ADAM2: variants seen among roughly 807,000 people sequenced by gnomAD.
ADAM2 encodes the protein disintegrin and metalloproteinase domain-containing protein 2.
A neutral mutation model predicts 99.3 loss-of-function variants in ADAM2; 101 were observed. The observed-to-expected ratio is 1.02, with a 90% CI of 0.87 to 1.20. ADAM2 has a LOEUF of 1.20. ADAM2 is among the 50% of genes most tolerant of loss of function. The pLI is 0.00. For synonymous variants in ADAM2, 323 were observed against 287.6 expected (o/e 1.12, Z -1.25); for missense variants, 948 against 878.7 (o/e 1.08, Z -1.00).
chr8:39,772,695 A>G (rs1802830943), intron 11 of ADAM2, among the ~76,000 whole-genome samples: 1 of 151,998 alleles, frequency 6.6e-6, no homozygotes, highest in African/African-American at 2.4e-5. Flanking sequence ...CCACATTTCA[A>G]CCATTCATTT....
intron 2 of ADAM2, among the ~76,000 whole-genome samples, chr8:39,835,472 C>A (rs914272106): frequency 2.6e-5 from 4 of 152,120 alleles, no homozygotes; most frequent in Non-Finnish European, 5.9e-5. Flanking sequence ...ATCAGGAGGT[C>A]AGGAGATCGA....
chr8:39,820,494 T>C (rs1218528470), intron 6 of ADAM2, among the ~76,000 whole-genome samples: 2 of 152,118 alleles, frequency 1.3e-5, no homozygotes, highest in Non-Finnish European at 2.9e-5. Flanking sequence ...GCTGGGGCTA[T>C]AAAACTCCTA....
rs1243294906 is a variant in ADAM2, at chr8:39,798,241, A to G, written c.571-9501T>C. On this transcript the variant is annotated intron_variant, in intron 7 of 20. Transcript: ENST00000265708. ...AATACCTAGTTTATTGAGGGTTTTT[A>G]ACATGAAGGGATGTTGAATTTTATC... Among the ~76,000 whole-genome samples the G allele has an allele frequency of 4.6e-5, 7 of 152,232 alleles. No homozygotes were observed. In the South Asian group the frequency reaches 8.3e-4, roughly 18 times the overall value.
In ADAM2 at chr8:39,787,098, A is replaced by G; in HGVS notation, c.810-43T>C. 2.4e-6 allele frequency: 3 copies of G among 1,234,652 alleles called. No individual in the cohort carries two copies. The South Asian group carries it at 4.6e-5, about 19-fold the overall frequency. 76.5% of individuals were successfully genotyped at this position (1,234,652 alleles called of 1,614,324 possible). A position where few individuals can be genotyped will look rare whatever the true frequency, so the allele number is the denominator to read the frequency against. On this transcript the variant is annotated intron_variant, in intron 9 of 20. Transcript: ENST00000265708. Reference sequence around the variant, plus strand: ...ATCATAATCATATAATTTTGTAAAAATTAATATGAATTTTTATAAGACAAA... The same window carrying G: ...ATCATAATCATATAATTTTGTAAAAGTTAATATGAATTTTTATAAGACAAA...
intron 6 of ADAM2, chr8:39,817,764 G>A (rs751554771): frequency 6.6e-6 from 1 of 151,646 alleles, no homozygotes; most frequent in Non-Finnish European, 1.5e-5. Context: ...AATAAAATCA[G>A]AAATGAAAAA....
chr8:39,833,801 G>A, intron 3 of ADAM2, 143 bp downstream of exon 3: 2 of 632,262 alleles, frequency 3.2e-6, no homozygotes, highest in South Asian at 1.9e-5. Context: ...ATCATATATA[G>A]GCTTAAATCA....
chr8:39,763,912 C>T (rs563789348), intron 14 of ADAM2, among the ~76,000 whole-genome samples: 2 of 152,266 alleles, frequency 1.3e-5, no homozygotes, highest in African/African-American at 4.8e-5. Flanking sequence ...AAAGGAATTC[C>T]TGGAGAGTTA....
At chr8:39,751,509 GTTTGT>G (rs1372177609) in intron 16 of ADAM2, among the ~76,000 whole-genome samples, 2 of 150,002 alleles carry the variant, frequency 1.3e-5, no homozygotes, top group Non-Finnish European at 3.0e-5. Flanking sequence ...TTGTTTGTTT[GTTTGT>G]TTTTGCTTTA....
intron 3 of ADAM2, among the ~76,000 whole-genome samples, chr8:39,833,140 T>C (rs964514843): frequency 3.9e-5 from 6 of 152,056 alleles, no homozygotes; most frequent in Non-Finnish European, 8.8e-5. Flanking sequence ...TCTATGTCAG[T>C]TTGCTCTATG....
Position 39,749,398 on chromosome 8 carries a change from T to C in ADAM2, c.1928A>G (p.Asp643Gly). ...CCATAGATCTGATTGAACTGAGCAA[T>C]CTGGAGGTAAATATGAAGCACTACA... ...CHCSASYLPP[D>G]CSVQSDLWPG... The change falls in exon 18 of 21, where the codon GAT becomes GGT. Residue 643 changes from aspartate (D) to glycine (G), a missense_variant. Coordinates refer to ENST00000265708, the MANE Select transcript of ADAM2 (RefSeq NM_001464.5). 6.2e-7 allele frequency: 1 copy of C among 1,613,466 alleles called. No homozygotes were observed. The highest frequency in any genetic ancestry group is 1.7e-4 in the Middle Eastern group (1 of 6,060).
At position 39,788,077 on chromosome 8, in the gene ADAM2, AT is replaced by A; in HGVS notation, c.809+7del. 6.8e-7 allele frequency: 1 copy of A among 1,476,726 alleles called. No individual in the cohort carries two copies. The highest frequency in any genetic ancestry group is 1.5e-5 in the South Asian group (1 of 67,546). 91.5% of individuals were successfully genotyped at this position (1,476,726 alleles called of 1,614,324 possible). The stretch of plus-strand genomic sequence containing the variant: ...GATAAACTTTATATAATGTCAAGAT[AT>A]CCTTACACAAGTAAAAATGCCACAT... On this transcript the variant is annotated splice_region_variant and intron_variant, in intron 9 of 20. Transcript: ENST00000265708.
chr8:39,744,408 A>G (rs957953117), intron 20 of ADAM2, among the ~76,000 whole-genome samples: 1 of 151,968 alleles, frequency 6.6e-6, no homozygotes, highest in East Asian at 1.9e-4. Context: ...TTTATTTAAT[A>G]TATTACGTTC....
In ADAM2 at chr8:39,778,712, GAGAAGGAAA is replaced by G. The variant is rs576427032; in HGVS notation, c.892-1560_892-1552del. 1.4e-4 allele frequency among the ~76,000 whole-genome samples: 22 copies of G among 152,170 alleles called. No individual in the cohort carries two copies. The South Asian group carries it at 4.4e-3, about 30-fold the overall frequency. On this transcript the variant is annotated intron_variant, in intron 10 of 20. Transcript: ENST00000265708. The stretch of plus-strand genomic sequence containing the variant: ...GGAGAAAGAAGAAAGGAATGAAAAG[GAGAAGGAAA>G]AGAAGGAGAAGAAGGGGAAGGAGAA...
At chr8:39,821,769 A>G in intron 4 of ADAM2, 107 bp from the exon 5 acceptor site, 1 of 736,682 alleles carries the variant, frequency 1.4e-6, no homozygotes, top group Non-Finnish European at 2.2e-6. Flanking sequence ...TCAAACACTC[A>G]TGTTTCAAAA....
chr8:39,832,182 T>C (rs1361215449), intron 3 of ADAM2, among the ~76,000 whole-genome samples: 1 of 152,166 alleles, frequency 6.6e-6, no homozygotes, highest in Non-Finnish European at 1.5e-5. Context: ...GTCCTTATTT[T>C]GTATATTTGA....
At chr8:39,818,417 A>G (rs1420432584) in intron 6 of ADAM2, among the ~76,000 whole-genome samples, 1 of 152,064 alleles carries the variant, frequency 6.6e-6, no homozygotes, top group Non-Finnish European at 1.5e-5. Context: ...CTAACACTGG[A>G]TGAAACCTTC....
intron 14 of ADAM2, among the ~76,000 whole-genome samples, chr8:39,766,083 G>T (rs1236295722): frequency 6.6e-6 from 1 of 152,130 alleles, no homozygotes; most frequent in Non-Finnish European, 1.5e-5. Flanking sequence ...AATAACTTCA[G>T]AGTCCCTGGA....
At position 39,779,213 on chromosome 8, in the gene ADAM2, A is replaced by G. The variant is rs549596118; in HGVS notation, c.892-2052T>C. Among the ~76,000 whole-genome samples, 4 of 152,254 alleles carry G rather than the reference A, an allele frequency of 2.6e-5. No individual in the cohort carries two copies. In the South Asian group the frequency reaches 8.3e-4, roughly 32 times the overall value. ...CAGTTCTGTGAAATTTCGCAGTTCT[A>G]GAAGTCCAAGATCAGGGTGCTGGCA... On this transcript the variant is annotated intron_variant, in intron 10 of 20. Coordinates refer to ENST00000265708, the MANE Select transcript of ADAM2 (RefSeq NM_001464.5).
At position 39,809,425 on chromosome 8, in the gene ADAM2, T is replaced by A; in HGVS notation, c.555A>T (p.Ile185=). 1 of 1,369,780 alleles carries A rather than the reference T, an allele frequency of 7.3e-7. No homozygotes were observed. Among genetic ancestry groups the A allele is most frequent in the Non-Finnish European group, 1.0e-6 (1 of 972,374 alleles). The allele number at this position is 1,369,780 out of a possible 1,614,324, so 84.9% of individuals were successfully genotyped here. A position where few individuals can be genotyped will look rare whatever the true frequency, so the allele number is the denominator to read the frequency against. ...DFAKYIEMHV[I]VEKQLYNHMG... is the part of the protein sequence containing the mutation. ...ATATACTTACCAATTGTTTTTCAAC[T>A]ATAACATGCATTTCTATATACTTTG... The change falls in exon 7 of 21, where the codon ATA becomes ATT. Residue 185 remains isoleucine, a synonymous_variant. Transcript: ENST00000265708.
Sources: allele counts gnomAD v4.1 joint callset (sites outside exome capture counted in the v4.1 genomes callset), GRCh38; gene constraint gnomAD v4.1.1; transcripts MANE v1.5; gene names NCBI Gene and HGNC (gene_info 2026-07-23, HGNC 2026-07-21).